Variants in RANBP2 observed in about 807,000 individuals in gnomAD.
RANBP2 encodes the protein E3 SUMO-protein ligase RanBP2.
A neutral mutation model predicts 303.6 loss-of-function variants in RANBP2; 57 were observed. The ratio of observed to expected loss-of-function variants is 0.19; its 90% CI spans 0.15 to 0.23. The LOEUF (loss-of-function observed/expected upper bound fraction) is 0.23. Among genes scored for constraint, RANBP2 ranks in the 10% least tolerant of loss-of-function variants. The pLI, the probability that RANBP2 is intolerant of heterozygous loss-of-function variation, is 1.00. For missense variants in RANBP2, 3,138 were observed against 3,780.8 expected (o/e 0.83, Z 4.46); for synonymous variants, 1,167 against 1,301.5 (o/e 0.90, Z 2.23).
the RANBP2 span, among the ~76,000 whole-genome samples, chr2:109,690,447 T>A: frequency 6.6e-6 from 1 of 152,180 alleles, no homozygotes; most frequent in East Asian, 1.9e-4. Context: ...AGCAGAGGGA[T>A]GACTTTGAAT....
At chr2:109,276,057 C>T in the RANBP2 span, among the ~76,000 whole-genome samples, 1 of 152,142 alleles carries the variant, frequency 6.6e-6, no homozygotes, top group Non-Finnish European at 1.5e-5. Context: ...AACCCAGCAA[C>T]CCTTCATTCA....
the RANBP2 span, chr2:108,908,137 T>A: frequency 2.5e-6 from 3 of 1,200,152 alleles, no homozygotes; most frequent in Non-Finnish European, 3.4e-6. Context: ...CAATGACTTG[T>A]TTTTCAGGTG....
the RANBP2 span, chr2:109,449,627 CGT>C: frequency 8.5e-7 from 1 of 1,169,962 alleles, no homozygotes; most frequent in Non-Finnish European, 1.2e-6. Flanking sequence ...ATGAACCAGG[CGT>C]GTGACAGAGA....
chr2:108,808,407 G>A, the RANBP2 span, among the ~76,000 whole-genome samples: 4 of 152,088 alleles, frequency 2.6e-5, no homozygotes, highest in African/African-American at 7.2e-5. Context: ...TATGGTAGTT[G>A]TGTTTTCGTT....
At chr2:109,577,144 G>C in the RANBP2 span, among the ~76,000 whole-genome samples, 1 of 152,146 alleles carries the variant, frequency 6.6e-6, no homozygotes, top group Non-Finnish European at 1.5e-5. Flanking sequence ...AGCCAGGAGA[G>C]AGTGGAATGA....
chr2:109,080,828 T>C, the RANBP2 span, among the ~76,000 whole-genome samples: 1 of 152,224 alleles, frequency 6.6e-6, no homozygotes, highest in African/African-American at 2.4e-5. Flanking sequence ...GGGGTTGTAT[T>C]AATTAGAACT....
At chr2:109,341,317 A>C in the RANBP2 span, among the ~76,000 whole-genome samples, 1 of 152,224 alleles carries the variant, frequency 6.6e-6, no homozygotes, top group South Asian at 2.1e-4. Context: ...TAAATCTATA[A>C]AGTGGAAGAT....
chr2:109,481,161 G>A, the RANBP2 span, among the ~76,000 whole-genome samples: 18 of 152,194 alleles, frequency 1.2e-4, no homozygotes, highest in Non-Finnish European at 2.2e-4. Flanking sequence ...CCATGAGAGG[G>A]GAACATCTCA....
the RANBP2 span, among the ~76,000 whole-genome samples, chr2:109,620,152 A>G: frequency 1.3e-5 from 2 of 152,206 alleles, no homozygotes; most frequent in South Asian, 2.1e-4. Flanking sequence ...GGCATGTTGA[A>G]GGTACTCAGT....
the RANBP2 span, among the ~76,000 whole-genome samples, chr2:109,004,683 G>C: frequency 6.6e-6 from 1 of 152,206 alleles, no homozygotes; most frequent in East Asian, 1.9e-4. Context: ...CACACTCTTG[G>C]TTCTAGCTCT....
the RANBP2 span, among the ~76,000 whole-genome samples, chr2:109,274,128 G>A: frequency 2.2e-3 from 334 of 152,238 alleles, 3 homozygotes; most frequent in African/African-American, 7.4e-3. Context: ...TATGTCAAAG[G>A]CAACTTGTAG....
At chr2:108,889,948 C>T in the RANBP2 span, among the ~76,000 whole-genome samples, 4 of 152,052 alleles carry the variant, frequency 2.6e-5, no homozygotes, top group African/African-American at 9.7e-5. Flanking sequence ...GAGTTTTATA[C>T]TTTCATTTGT....
chr2:109,449,599 C>G, the RANBP2 span: 2 of 1,349,224 alleles, frequency 1.5e-6, no homozygotes, highest in African/African-American at 3.0e-5. Context: ...AATGTGGGCT[C>G]CAAGTGCCTG....
the RANBP2 span, among the ~76,000 whole-genome samples, chr2:108,918,957 G>C: frequency 2.6e-5 from 4 of 152,154 alleles, no homozygotes; most frequent in Non-Finnish European, 4.4e-5. Context: ...GGGCAGACTC[G>C]CAGAGACTCT....
At chr2:109,164,807 T>C in the RANBP2 span, among the ~76,000 whole-genome samples, 2 of 152,232 alleles carry the variant, frequency 1.3e-5, no homozygotes, top group African/African-American at 4.8e-5. Flanking sequence ...TGGCACCCTA[T>C]TGAGCCAGGA....
the RANBP2 span, among the ~76,000 whole-genome samples, chr2:109,680,382 TA>T: frequency 1.5e-3 from 199 of 136,214 alleles, no homozygotes; most frequent in South Asian, 0.01. Flanking sequence ...AAAAAAATAA[TA>T]AAAAAAAAAT....
the RANBP2 span, among the ~76,000 whole-genome samples, chr2:108,814,900 T>A: frequency 6.6e-6 from 1 of 152,166 alleles, no homozygotes; most frequent in East Asian, 1.9e-4. Flanking sequence ...CCTCCCAAAG[T>A]GCTGGGATTA....
At chr2:109,373,930 G>A in the RANBP2 span, among the ~76,000 whole-genome samples, 3 of 151,988 alleles carry the variant, frequency 2.0e-5, no homozygotes, top group African/African-American at 7.3e-5. Flanking sequence ...GTGCAGGCCC[G>A]AGACCCAGTC....
chr2:108,872,247 G>A, the RANBP2 span, among the ~76,000 whole-genome samples: 705 of 152,070 alleles, frequency 4.6e-3, 4 homozygotes, highest in Middle Eastern at 0.017. Context: ...CCCCACCATA[G>A]CATCCTGCCA....
Sources: gnomAD v4.1 joint callset for allele counts (sites outside exome capture counted in the v4.1 genomes callset) on GRCh38, gnomAD v4.1.1 for gene constraint, MANE v1.5 for transcripts, NCBI Gene and HGNC (gene_info 2026-07-23, HGNC 2026-07-21) for gene names.